The following ZNF438 variants were observed in gnomAD, a reference collection of about 807,000 sequenced individuals.
The protein encoded by ZNF438 is zinc finger protein 438.
Under a neutral mutation model 38.0 loss-of-function variants are expected in ZNF438, and 25 were observed. The ratio of observed to expected loss-of-function variants is 0.66; its 90% CI spans 0.48 to 0.92. The LOEUF (loss-of-function observed/expected upper bound fraction) is 0.92, where lower values mean the gene tolerates loss of function less well. Among genes scored for constraint, ZNF438 ranks in the 40% least tolerant of loss-of-function variants. ZNF438 has a pLI of 0.00. For missense variants in ZNF438, 1,007 were observed against 999.6 expected, an observed-to-expected ratio of 1.01 and a Z score of -0.10; for synonymous variants, 372 against 364.1, an observed-to-expected ratio of 1.02 and a Z score of -0.25.
rs543379618 is a variant in ZNF438 at position 30,900,707 on chromosome 10, C to G, written c.-32+8226G>C. ...TGGAGCTGAGGTTTGAAGACACGTA[C>G]TGGGTTCTGCCCTCAGTATCCTCAG... On this transcript the variant is annotated intron_variant, in intron 3 of 5. Coordinates refer to ENST00000413025, the Ensembl canonical transcript of ZNF438. 5.3e-5 allele frequency among the ~76,000 whole-genome samples: 8 copies of G among 152,332 alleles called. No individual in the cohort carries two copies. The South Asian group carries it at 1.0e-3, about 20-fold the overall frequency.
chr10:30,875,410 TGCCTGGG>T, intron 4 of ZNF438: 1 of 981,920 alleles, frequency 1.0e-6, no homozygotes, highest in Non-Finnish European at 1.2e-6. Context: ...AAAATAACTT[TGCCTGGG>T]GTTCCACAGC....
chr10:30,901,877 T>C (rs957494438), intron 3 of ZNF438, among the ~76,000 whole-genome samples: 1 of 152,146 alleles, frequency 6.6e-6, no homozygotes, highest in African/African-American at 2.4e-5. Flanking sequence ...TTCTGGTGGG[T>C]TCATGATCTT....
At chr10:30,979,776 C>T (rs2051892339) in intron 1 of ZNF438, among the ~76,000 whole-genome samples, 1 of 152,150 alleles carries the variant, frequency 6.6e-6, no homozygotes, top group South Asian at 2.1e-4. Context: ...CTTTGTAGCA[C>T]TCTTTAAACT....
At chr10:30,845,360 G>A (rs147671264) in exon 6 of ZNF438, 65 of 1,614,090 alleles carry the variant, frequency 4.0e-5, no homozygotes, top group East Asian at 2.2e-4. Flanking sequence ...CGGGGCTAGC[G>A]TGCTGCACCA....
At chr10:30,976,529 G>A (rs1052776816) in intron 1 of ZNF438, among the ~76,000 whole-genome samples, 2 of 152,086 alleles carry the variant, frequency 1.3e-5, no homozygotes, top group African/African-American at 4.8e-5. Context: ...ATCGCTTGAG[G>A]CCAGAAGTTC....
intron 2 of ZNF438, among the ~76,000 whole-genome samples, chr10:30,924,878 T>C (rs2044732577): frequency 6.6e-6 from 1 of 152,168 alleles, no homozygotes; most frequent in Non-Finnish European, 1.5e-5. Context: ...AAGCTGTAGT[T>C]TAGTTAATAT....
rs530031898 is a variant in ZNF438, at chr10:30,865,221, C to T, written c.37+11777G>A. Among the ~76,000 whole-genome samples, 3 of 152,328 alleles carry T rather than the reference C, an allele frequency of 2.0e-5. No individual in the cohort carries two copies. In the East Asian group the frequency reaches 5.8e-4, roughly 29 times the overall value. On this transcript the variant is annotated intron_variant, in intron 4 of 5. Transcript: ENST00000413025. Reference sequence around the variant, plus strand: ...AACTGTTAGGAGAGAGAGAACATGTCTTTCTTCTAAGAGACATCTACAGCA... The same window carrying T: ...AACTGTTAGGAGAGAGAGAACATGTTTTTCTTCTAAGAGACATCTACAGCA...
At chr10:31,026,343 T>C (rs1244833552) in intron 1 of ZNF438, among the ~76,000 whole-genome samples, 1 of 152,156 alleles carries the variant, frequency 6.6e-6, no homozygotes, top group Non-Finnish European at 1.5e-5. Context: ...TCTACCCATC[T>C]GACAAAGGGC....
chr10:30,861,346 C>G (rs2035548574), intron 4 of ZNF438, among the ~76,000 whole-genome samples: 1 of 152,004 alleles, frequency 6.6e-6, no homozygotes, highest in South Asian at 2.1e-4. Flanking sequence ...AATATAGATG[C>G]AGTTCGAAAT....
intron 1 of ZNF438, among the ~76,000 whole-genome samples, chr10:30,945,046 AT>A (rs199523903): frequency 2.8e-3 from 388 of 139,128 alleles, no homozygotes; most frequent in Middle Eastern, 7.3e-3. Context: ...ACTCTTCCAG[AT>A]TTTTTTTTTT....
chr10:30,989,680 T>C (rs964229769), intron 1 of ZNF438, among the ~76,000 whole-genome samples: 1 of 152,204 alleles, frequency 6.6e-6, no homozygotes, highest in Non-Finnish European at 1.5e-5. Context: ...TTTTGAGTAG[T>C]ATTGTGGTGT....
chr10:30,889,942 C>T (rs1187847376), intron 3 of ZNF438, among the ~76,000 whole-genome samples: 1 of 151,704 alleles, frequency 6.6e-6, no homozygotes, highest in Non-Finnish European at 1.5e-5. Flanking sequence ...ACTCTTTTTG[C>T]TGGAGAAAGG....
chr10:30,966,659 G>C (rs1382524921), intron 1 of ZNF438, among the ~76,000 whole-genome samples: 2 of 120,330 alleles, frequency 1.7e-5, no homozygotes, highest in African/African-American at 6.6e-5. Flanking sequence ...AACAGAGCAA[G>C]ACTCCATCTC....
At chr10:30,860,225 G>C (rs1038379048) in intron 4 of ZNF438, among the ~76,000 whole-genome samples, 1 of 152,196 alleles carries the variant, frequency 6.6e-6, no homozygotes, top group African/African-American at 2.4e-5. Context: ...ATGTTCCACA[G>C]AGAGGTCAAT....
chr10:31,025,059 C>A lies in ZNF438; in HGVS notation c.-192+6774G>T, dbSNP rs931001547. Reference sequence around the variant, plus strand: ...ATTATTTCCCATTCAGTAAATGAACCAAATTAGCTCAGCTATCCAACAAAC... The same window carrying A: ...ATTATTTCCCATTCAGTAAATGAACAAAATTAGCTCAGCTATCCAACAAAC... On this transcript the variant is annotated intron_variant, in intron 1 of 5. Coordinates refer to ENST00000413025, the Ensembl canonical transcript of ZNF438. Among the ~76,000 whole-genome samples the A allele has an allele frequency of 2.0e-5, 3 of 152,228 alleles. 1 individual carries two copies. The highest frequency in any genetic ancestry group is 6.8e-3 in the Middle Eastern group (2 of 294).
intron 1 of ZNF438, among the ~76,000 whole-genome samples, chr10:30,965,538 G>A (rs2050015233): frequency 6.6e-6 from 1 of 152,098 alleles, no homozygotes; most frequent in Non-Finnish European, 1.5e-5. Context: ...GTCCATCAAA[G>A]AAAACGTGGT....
chr10:30,974,316 TA>T (rs912002537), intron 1 of ZNF438, among the ~76,000 whole-genome samples: 3 of 152,236 alleles, frequency 2.0e-5, no homozygotes. Flanking sequence ...CCCATCTCTA[TA>T]AAAAAATTAG....
intron 1 of ZNF438, among the ~76,000 whole-genome samples, chr10:30,990,301 A>T (rs2132497858): frequency 6.6e-6 from 1 of 152,322 alleles, no homozygotes. Context: ...TGAAAAAAAT[A>T]AAAAGAATTA....
chr10:30,999,667 T>C (rs2054443708), intron 1 of ZNF438: 1 of 152,236 alleles, frequency 6.6e-6, no homozygotes, highest in Non-Finnish European at 1.5e-5. Flanking sequence ...TTTCATTTGC[T>C]ATTAATGTTA....
Sources: allele counts gnomAD v4.1 joint callset (sites outside exome capture counted in the v4.1 genomes callset), GRCh38; gene constraint gnomAD v4.1.1; transcripts MANE v1.5; gene names NCBI Gene and HGNC (gene_info 2026-07-23, HGNC 2026-07-21).